ADGRL3: variants seen among roughly 807,000 people sequenced by gnomAD.
ADGRL3 encodes calcium-independent alpha-latrotoxin receptor 3.
In ADGRL3, 62 loss-of-function variants were observed where a neutral mutation model predicts 153.5. The observed-to-expected ratio is 0.40, with a 90% CI of 0.33 to 0.50. The LOEUF (loss-of-function observed/expected upper bound fraction) is 0.50. Ranked by LOEUF, ADGRL3 falls within the 20% of genes least tolerant of loss-of-function variation. ADGRL3 has a pLI of 0.47. For synonymous variants in ADGRL3, 710 were observed against 672.5 expected (o/e 1.06, Z -0.86); for missense variants, 1,641 against 1,859.4 (o/e 0.88, Z 2.16).
intron 1 of ADGRL3, among the ~76,000 whole-genome samples, chr4:61,280,140 CG>C (rs1433039242): frequency 7.2e-6 from 1 of 139,662 alleles, no homozygotes; most frequent in African/African-American, 2.7e-5. Context: ...GACCGAGTCT[CG>C]CTCTGTTGCC....
chr4:61,779,091 T>C (rs572324960), intron 8 of ADGRL3, among the ~76,000 whole-genome samples: 57 of 151,992 alleles, frequency 3.8e-4, no homozygotes, highest in Non-Finnish European at 7.6e-4. Context: ...GAGGAAATAT[T>C]AGAATGTTTT....
chr4:61,466,099 C>A (rs547272892), intron 2 of ADGRL3, among the ~76,000 whole-genome samples: 1 of 151,390 alleles, frequency 6.6e-6, no homozygotes, highest in African/African-American at 2.4e-5. Flanking sequence ...CAGCTCTGGG[C>A]GACAGAGCAA....
At chr4:61,646,970 A>G (rs2094025862) in intron 5 of ADGRL3, among the ~76,000 whole-genome samples, 1 of 151,992 alleles carries the variant, frequency 6.6e-6, no homozygotes, top group Non-Finnish European at 1.5e-5. Context: ...TGCGGATATA[A>G]TCTCCTGGTG....
intron 4 of ADGRL3, among the ~76,000 whole-genome samples, chr4:61,527,272 A>G (rs1399631150): frequency 6.6e-6 from 1 of 152,078 alleles, no homozygotes; most frequent in East Asian, 1.9e-4. Flanking sequence ...TTTATATTAA[A>G]TAATGTAATT....
At chr4:61,921,073 A>C (rs1474220380) in intron 13 of ADGRL3, among the ~76,000 whole-genome samples, 2 of 152,030 alleles carry the variant, frequency 1.3e-5, no homozygotes, top group African/African-American at 4.8e-5. Context: ...TTTGAACCCT[A>C]GATATAGATA....
At chr4:62,005,959 TATACACATACACAC>T (rs1357285441) in intron 21 of ADGRL3, among the ~76,000 whole-genome samples, 4 of 105,876 alleles carry the variant, frequency 3.8e-5, no homozygotes, top group African/African-American at 1.4e-4. Context: ...CATACATATA[TATACACATACACAC>T]ACACACACAC....
chr4:61,612,620 CTT>C (rs1471743448), intron 5 of ADGRL3, among the ~76,000 whole-genome samples: 1 of 152,218 alleles, frequency 6.6e-6, no homozygotes, highest in East Asian at 1.9e-4. Context: ...ACTAAAAACA[CTT>C]TTAAAAAACC....
intron 25 of ADGRL3, among the ~76,000 whole-genome samples, chr4:62,062,126 G>A (rs1740552542): frequency 6.6e-6 from 1 of 151,890 alleles, no homozygotes; most frequent in Non-Finnish European, 1.5e-5. Context: ...ATCGTTTAAT[G>A]TTTTTCACCA....
chr4:61,726,210 G>GTTTTTTTTTTTGTTTTTGTTTTT (rs149472429), intron 6 of ADGRL3, among the ~76,000 whole-genome samples: 1 of 118,480 alleles, frequency 8.4e-6, no homozygotes, highest in Non-Finnish European at 1.7e-5. Context: ...TTTTTTTTTT[G>GTTTTTTTTTTTGTTTTTGTTTTT]TTTTTTGAGA....
chr4:61,937,021 A>T, intron 15 of ADGRL3, among the ~76,000 whole-genome samples: 1 of 152,218 alleles, frequency 6.6e-6, no homozygotes. Context: ...TTGTAAGACT[A>T]AACTTAGAAA....
intron 5 of ADGRL3, among the ~76,000 whole-genome samples, chr4:61,609,282 C>A (rs1380550286): frequency 6.6e-6 from 1 of 151,942 alleles, no homozygotes; most frequent in Non-Finnish European, 1.5e-5. Context: ...ATGTGTTATT[C>A]CTCACCTCCT....
chr4:61,309,384 G>A (rs1360721384), intron 1 of ADGRL3, among the ~76,000 whole-genome samples: 1 of 152,026 alleles, frequency 6.6e-6, no homozygotes, highest in Non-Finnish European at 1.5e-5. Context: ...ATGCAGCTTA[G>A]TAACCCCTGG....
At chr4:61,424,037 G>A (rs2097245121) in intron 2 of ADGRL3, among the ~76,000 whole-genome samples, 1 of 152,058 alleles carries the variant, frequency 6.6e-6, no homozygotes, top group African/African-American at 2.4e-5. Flanking sequence ...CCTGAGCTGG[G>A]GTCCAAAGGG....
At chr4:61,205,327 T>C (rs918503242) in intron 1 of ADGRL3, among the ~76,000 whole-genome samples, 2 of 152,210 alleles carry the variant, frequency 1.3e-5, no homozygotes, top group Non-Finnish European at 2.9e-5. Context: ...GGAAAACTGA[T>C]TGCGATTTTC....
chr4:61,988,663 T>A (rs2150949452), intron 19 of ADGRL3, among the ~76,000 whole-genome samples: 1 of 152,238 alleles, frequency 6.6e-6, no homozygotes, highest in East Asian at 1.9e-4. Flanking sequence ...TTTTTACTTT[T>A]AAAAAAATCA....
At chr4:61,640,669 G>T (rs1470390862) in intron 5 of ADGRL3, among the ~76,000 whole-genome samples, 1 of 152,088 alleles carries the variant, frequency 6.6e-6, no homozygotes, top group African/African-American at 2.4e-5. Flanking sequence ...ATTTTTGTTT[G>T]CATATAACAC....
chr4:61,401,788 A>C lies in ADGRL3; in HGVS notation c.-174+18599A>C, dbSNP rs139714109. 1.8e-3 allele frequency among the ~76,000 whole-genome samples: 272 copies of C among 152,214 alleles called. 2 individuals carry two copies. Among genetic ancestry groups the C allele is most frequent in the African/African-American group, 6.3e-3 (263 of 41,574 alleles). ...ACATATATTCAAACCAGATATGTAG[A>C]TTCAGTGTTTCTCTAGTAATAGGTA... On this transcript the variant is annotated intron_variant, in intron 2 of 26. Coordinates refer to ENST00000683033, the MANE Select transcript of ADGRL3 (RefSeq NM_001387552.1).
intron 8 of ADGRL3, among the ~76,000 whole-genome samples, chr4:61,774,136 CCTAAGG>C (rs1328796139): frequency 2.0e-5 from 3 of 151,942 alleles, no homozygotes; most frequent in African/African-American, 2.4e-5. Context: ...AGGAGGATCA[CCTAAGG>C]TCAGGAGTTC....
intron 1 of ADGRL3, among the ~76,000 whole-genome samples, chr4:61,353,359 CTT>C (rs2096091585): frequency 6.6e-6 from 1 of 152,012 alleles, no homozygotes; most frequent in Non-Finnish European, 1.5e-5. Flanking sequence ...ATTTTATACT[CTT>C]TCCATTTTTA....
Sources: gnomAD v4.1 joint callset for allele counts (sites outside exome capture counted in the v4.1 genomes callset) on GRCh38, gnomAD v4.1.1 for gene constraint, MANE v1.5 for transcripts, NCBI Gene and HGNC (gene_info 2026-07-23, HGNC 2026-07-21) for gene names.